Variants in TTC21B observed in about 807,000 individuals in gnomAD.
TTC21B encodes the protein tetratricopeptide repeat protein 21B.
Under a neutral mutation model 175.1 loss-of-function variants are expected in TTC21B, and 127 were observed. That is an observed-to-expected ratio of 0.73 (90% CI 0.63 to 0.84). The LOEUF (loss-of-function observed/expected upper bound fraction) is 0.84. Among genes scored for constraint, TTC21B ranks in the 40% least tolerant of loss-of-function variants. TTC21B has a pLI of 0.00. For synonymous variants in TTC21B, 524 were observed against 524.5 expected (o/e 1.00, Z 0.01); for missense variants, 1,561 against 1,558.3 (o/e 1.00, Z -0.03).
rs1685791918 is a variant in TTC21B, at chr2:165,907,801, T to C, written c.2462-17A>G. The C allele has an allele frequency of 1.3e-6, 2 of 1,510,500 alleles. No homozygotes were observed. The highest frequency in any genetic ancestry group is 2.3e-5 in the East Asian group (1 of 44,190). The allele number at this position is 1,510,500 out of a possible 1,614,324, so 93.6% of individuals were successfully genotyped here. A position where few individuals can be genotyped will look rare whatever the true frequency, so the allele number is the denominator to read the frequency against. On this transcript the variant is annotated splice_polypyrimidine_tract_variant and intron_variant, in intron 18 of 28. Coordinates refer to ENST00000243344, the MANE Select transcript of TTC21B (RefSeq NM_024753.5). ...GTTCATTTACTATGAAAGAATGGAA[T>C]GTAATGCAAAAAATTATTCATCTTA...
rs372747149 is a variant in TTC21B, at chr2:165,898,647, G to A, written c.2950+39C>T. 146 of 1,321,692 alleles carry A rather than the reference G, an allele frequency of 1.1e-4. 1 individual carries two copies. The Middle Eastern group carries it at 2.5e-3, about 23-fold the overall frequency. The allele number at this position is 1,321,692 out of a possible 1,614,324, so 81.9% of individuals were successfully genotyped here. Reference sequence around the variant, plus strand: ...CAGAAGAAAAAAGGAGAAAGGGAGGGGTGACTGCACTCAAAAAATACAATA... The same window carrying A: ...CAGAAGAAAAAAGGAGAAAGGGAGGAGTGACTGCACTCAAAAAATACAATA... On this transcript the variant is annotated intron_variant, in intron 22 of 28. Transcript: ENST00000243344.
intron 13 of TTC21B, 70 bp from the exon 14 acceptor site, chr2:165,917,551 C>T (rs1686222808): frequency 8.0e-7 from 1 of 1,245,058 alleles, no homozygotes; most frequent in South Asian, 1.2e-5. Context: ...ATCCATCAAA[C>T]ATTAAAATAA....
chr2:165,923,297 C>G (rs973145447), intron 12 of TTC21B, among the ~76,000 whole-genome samples: 1 of 152,042 alleles, frequency 6.6e-6, no homozygotes, highest in Admixed American at 6.6e-5. Context: ...TAAAGACAAT[C>G]TCATCACTCC....
intron 11 of TTC21B, among the ~76,000 whole-genome samples, chr2:165,926,503 C>G (rs543891576): frequency 6.6e-6 from 1 of 152,104 alleles, no homozygotes; most frequent in Non-Finnish European, 1.5e-5. Context: ...TTTGTCTCCT[C>G]GTGTCCCTTT....
chr2:165,924,847 T>G (rs1262248019), intron 11 of TTC21B, among the ~76,000 whole-genome samples, 169 bp from the exon 12 acceptor site: 1 of 152,236 alleles, frequency 6.6e-6, no homozygotes, highest in Non-Finnish European at 1.5e-5. Context: ...TAATACTAAT[T>G]TATTTCCCTG....
Position 165,907,763 on chromosome 2 carries a change from A to C in TTC21B, c.2483T>G (p.Met828Arg), listed in dbSNP as rs767841175. ...HEPVNELSAL[M>R]EDGRCQVLLA... ...AAGAACTTGACAACGTCCATCCTCC[A>C]TGAGAGCTGACAGTTCATTTACTAT... The change falls in exon 19 of 29, where the codon ATG becomes AGG. Residue 828 changes from methionine (M) to arginine (R), a missense_variant. Coordinates refer to ENST00000243344, the MANE Select transcript of TTC21B (RefSeq NM_024753.5). The C allele has an allele frequency of 6.2e-7, 1 of 1,612,254 alleles. No individual in the cohort carries two copies. The highest frequency in any genetic ancestry group is 1.1e-5 in the South Asian group (1 of 91,042).
Position 165,876,252 on chromosome 2 carries a change from A to G in TTC21B, c.3806-20T>C. On this transcript the variant is annotated intron_variant, in intron 27 of 28. Coordinates refer to ENST00000243344, the MANE Select transcript of TTC21B (RefSeq NM_024753.5). Reference sequence around the variant, plus strand: ...TGTATCCTGTTAAGACAAAAACCATAAAACAGAATGATGGAGTACACTGCT... The same window carrying G: ...TGTATCCTGTTAAGACAAAAACCATGAAACAGAATGATGGAGTACACTGCT... The G allele has an allele frequency of 6.9e-7, 1 of 1,452,424 alleles. No individual in the cohort carries two copies. The highest frequency in any genetic ancestry group is 9.7e-7 in the Non-Finnish European group (1 of 1,033,958). The allele number at this position is 1,452,424 out of a possible 1,614,324, so 90.0% of individuals were successfully genotyped here. A position where few individuals can be genotyped will look rare whatever the true frequency, so the allele number is the denominator to read the frequency against.
intron 11 of TTC21B, 146 bp from the exon 12 acceptor site, chr2:165,924,824 AT>A: frequency 2.4e-6 from 2 of 834,138 alleles, no homozygotes; most frequent in Non-Finnish European, 3.7e-6. Flanking sequence ...TAATACCTTT[AT>A]TATGACTTAA....
intron 12 of TTC21B, among the ~76,000 whole-genome samples, chr2:165,922,631 A>G (rs1284624146): frequency 6.6e-6 from 1 of 151,338 alleles, no homozygotes; most frequent in Non-Finnish European, 1.5e-5. Flanking sequence ...ATACATTGCT[A>G]GTGAGAATGT....
intron 14 of TTC21B, 65 bp from the exon 15 acceptor site, chr2:165,915,504 G>T: frequency 8.4e-7 from 1 of 1,197,478 alleles, no homozygotes; most frequent in Non-Finnish European, 1.2e-6. Context: ...TAGAAAGGGA[G>T]ATTTTCTCAT....
chr2:165,917,445 G>A lies in TTC21B; in HGVS notation c.1711C>T (p.Gln571Ter), dbSNP rs1384748396. 1 of 1,613,762 alleles carries A rather than the reference G, an allele frequency of 6.2e-7. No homozygotes were observed. The highest frequency in any genetic ancestry group is 1.3e-5 in the African/African-American group (1 of 75,030). Residue 571 changes from glutamine (Q) to a stop codon, truncating the protein, a stop_gained, in exon 14 of 29, where the codon CAG (glutamine) becomes TAG (stop). Coordinates refer to ENST00000243344, the MANE Select transcript of TTC21B (RefSeq NM_024753.5). LOFTEE classifies it high-confidence loss of function. ...DYPLYHLIKA[Q>*]SQKKMGEIAD... ...ATTTCTCCCATTTTCTTTTGTGACT[G>A]AGCTTTTATCAAATGGTATAAAGGA...
chr2:165,886,488 C>G (rs1228188371), intron 25 of TTC21B, among the ~76,000 whole-genome samples: 1 of 151,684 alleles, frequency 6.6e-6, no homozygotes, highest in Admixed American at 6.6e-5. Context: ...TACATGCAGC[C>G]TAGGAGTTAA....
chr2:165,880,481 T>G (rs1684802233), intron 27 of TTC21B, among the ~76,000 whole-genome samples, 198 bp downstream of exon 27: 1 of 152,102 alleles, frequency 6.6e-6, no homozygotes, highest in Non-Finnish European at 1.5e-5. Context: ...TGAGGACAAG[T>G]TTGGAACTCA....
At chr2:165,937,634 T>C (rs1225322607) in intron 6 of TTC21B, among the ~76,000 whole-genome samples, 1 of 152,102 alleles carries the variant, frequency 6.6e-6, no homozygotes, top group East Asian at 1.9e-4. Context: ...GTTTGGTGTA[T>C]CTATGTGAAT....
intron 6 of TTC21B, 64 bp downstream of exon 6, chr2:165,940,963 T>C: frequency 1.3e-6 from 2 of 1,580,162 alleles, no homozygotes; most frequent in Non-Finnish European, 1.7e-6. Context: ...AATTCACAGA[T>C]GTCGCTTTTT....
rs1320133000 is a variant in TTC21B at position 165,916,609 on chromosome 2, T to C, written c.1899+648A>G. Among the ~76,000 whole-genome samples the C allele has an allele frequency of 2.0e-5, 3 of 152,272 alleles. No homozygotes were observed. The East Asian group carries it at 5.8e-4, about 29-fold the overall frequency. On this transcript the variant is annotated intron_variant, in intron 14 of 28. Coordinates refer to ENST00000243344, the MANE Select transcript of TTC21B (RefSeq NM_024753.5). ...TCAGTAGTTCTGGAGTGTGCATAAATGTGTGTTTGTGTTTATGTGTATAAA... is the reference window on the plus strand; with the variant it reads ...TCAGTAGTTCTGGAGTGTGCATAAACGTGTGTTTGTGTTTATGTGTATAAA...
At position 165,943,337 on chromosome 2, in the gene TTC21B, T is replaced by A; in HGVS notation, c.434A>T (p.His145Leu). The A allele has an allele frequency of 6.2e-7, 1 of 1,605,576 alleles. No homozygotes were observed. Among genetic ancestry groups the A allele is most frequent in the Non-Finnish European group, 8.5e-7 (1 of 1,172,832 alleles). ...AATATCAAGCCATGCTTTCAAAACG[T>A]GTCCCTGTAAAATGAATAATTCTAT... ...IKISDGSKQG[H>L]VLKAWLDITR... Residue 145 changes from histidine (H) to leucine (L), a missense_variant, in exon 5 of 29, where the codon CAC becomes CTC. Physicochemically the swap from His to Leu is moderately conservative, Grantham distance 99 (BLOSUM62 -3). Coordinates refer to ENST00000243344, the MANE Select transcript of TTC21B (RefSeq NM_024753.5).
chr2:165,933,121 T>A, intron 6 of TTC21B, 64 bp from the exon 7 acceptor site: 1 of 1,493,310 alleles, frequency 6.7e-7, no homozygotes, highest in Non-Finnish European at 9.2e-7. Flanking sequence ...TTCGAGGGCA[T>A]GAAAAGTTGG....
In TTC21B at chr2:165,915,250, T is replaced by C. The variant is rs1375533463; in HGVS notation, c.2089A>G (p.Ile697Val). ...TTATCTTTTCTGTGCTTCAGATAAA[T>C]ATCTGCCATTTTTTCTCTGGCCTCT... is the stretch of plus-strand genomic sequence containing the variant. ...FIEAREKMAD[I>V]YLKHRKDKML... is the part of the protein sequence containing the mutation. The change falls in exon 15 of 29, where the codon ATT becomes GTT. Residue 697 changes from isoleucine (I) to valine (V), a missense_variant. Ile to Val is a conservative substitution (Grantham distance 29). Coordinates refer to ENST00000243344, the MANE Select transcript of TTC21B (RefSeq NM_024753.5). 6.2e-7 allele frequency: 1 copy of C among 1,614,128 alleles called. No individual in the cohort carries two copies. Among genetic ancestry groups the C allele is most frequent in the South Asian group, 1.1e-5 (1 of 91,090 alleles).
Sources: allele counts gnomAD v4.1 joint callset (sites outside exome capture counted in the v4.1 genomes callset), GRCh38; gene constraint gnomAD v4.1.1; transcripts MANE v1.5; gene names NCBI Gene and HGNC (gene_info 2026-07-23, HGNC 2026-07-21).